COMMD10: variants seen among roughly 807,000 people sequenced by gnomAD.
The protein encoded by COMMD10 is COMM domain-containing protein 10.
COMMD10 carries 33 observed loss-of-function variants against 28.9 expected under a neutral mutation model. The observed-to-expected ratio is 1.14, with a 90% CI of 0.87 to 1.53. The LOEUF (loss-of-function observed/expected upper bound fraction) is 1.53, where lower values mean the gene tolerates loss of function less well. Ranked by LOEUF, COMMD10 falls within the 40% of genes most tolerant of loss-of-function variation. The pLI, the probability that COMMD10 is intolerant of heterozygous loss-of-function variation, is 0.00. For missense variants in COMMD10, 310 were observed against 233.4 expected (o/e 1.33, Z -2.14); for synonymous variants, 110 against 81.7 (o/e 1.35, Z -1.87).
intron 5 of COMMD10, among the ~76,000 whole-genome samples, chr5:116,232,722 CAA>C (rs1241577266): frequency 6.6e-6 from 1 of 152,006 alleles, no homozygotes; most frequent in Non-Finnish European, 1.5e-5. Context: ...GCAAAAATAA[CAA>C]AAATCAATAA....
chr5:116,229,061 C>T (rs889926469), intron 5 of COMMD10, among the ~76,000 whole-genome samples: 2 of 151,898 alleles, frequency 1.3e-5, no homozygotes, highest in African/African-American at 4.8e-5. Context: ...GATGCTGATT[C>T]GTCTTTACAT....
chr5:116,216,138 G>C (rs905018888), intron 5 of COMMD10, among the ~76,000 whole-genome samples: 1 of 152,090 alleles, frequency 6.6e-6, no homozygotes, highest in Non-Finnish European at 1.5e-5. Flanking sequence ...AAGAACCCCA[G>C]TATCCAATAT....
chr5:116,271,793 C>T (rs1750765497), intron 5 of COMMD10, among the ~76,000 whole-genome samples: 1 of 151,790 alleles, frequency 6.6e-6, no homozygotes, highest in Admixed American at 6.6e-5. Context: ...ACTCTTAGGC[C>T]ATTATTTCCC....
intron 4 of COMMD10, among the ~76,000 whole-genome samples, chr5:116,093,371 G>A (rs1419104075): frequency 6.6e-6 from 1 of 152,198 alleles, no homozygotes; most frequent in Non-Finnish European, 1.5e-5. Flanking sequence ...TGAGGAGAGG[G>A]AGGAGAGGTG....
intron 5 of COMMD10, among the ~76,000 whole-genome samples, chr5:116,284,050 C>T (rs981579032): frequency 6.6e-6 from 1 of 151,714 alleles, no homozygotes; most frequent in African/African-American, 2.4e-5. Context: ...TTCGTTTACA[C>T]CCAGGAGTTA....
chr5:116,268,171 A>T (rs1203885337), intron 5 of COMMD10, among the ~76,000 whole-genome samples: 1 of 151,944 alleles, frequency 6.6e-6, no homozygotes, highest in Non-Finnish European at 1.5e-5. Flanking sequence ...CAACCTACAG[A>T]ATGGAAGAAA....
At chr5:116,268,737 C>T (rs1209300276) in intron 5 of COMMD10, among the ~76,000 whole-genome samples, 1 of 151,832 alleles carries the variant, frequency 6.6e-6, no homozygotes, top group Non-Finnish European at 1.5e-5. Flanking sequence ...GAAAATGTGA[C>T]ACACATGCAC....
intron 5 of COMMD10, among the ~76,000 whole-genome samples, chr5:116,179,203 A>G (rs1477074754): frequency 6.6e-6 from 1 of 152,186 alleles, no homozygotes; most frequent in African/African-American, 2.4e-5. Context: ...GATTCAATAC[A>G]CATAAAACCT....
intron 5 of COMMD10, among the ~76,000 whole-genome samples, chr5:116,248,210 A>T (rs1231290041): frequency 1.3e-5 from 2 of 151,922 alleles, no homozygotes; most frequent in African/African-American, 4.8e-5. Context: ...TTTATTAAAC[A>T]GTCATCCTTC....
At chr5:116,172,728 AG>A (rs1313889488) in intron 5 of COMMD10, among the ~76,000 whole-genome samples, 1 of 152,184 alleles carries the variant, frequency 6.6e-6, no homozygotes, top group Non-Finnish European at 1.5e-5. Context: ...AGAGCAGCAC[AG>A]GGCTTCTGAA....
intron 5 of COMMD10, among the ~76,000 whole-genome samples, chr5:116,212,577 C>T: frequency 7.3e-6 from 1 of 136,188 alleles, no homozygotes; most frequent in African/African-American, 2.7e-5. Context: ...AAGAGATAGG[C>T]CAGGGTGATA....
intron 5 of COMMD10, among the ~76,000 whole-genome samples, chr5:116,231,681 A>G (rs1749533027): frequency 1.3e-5 from 2 of 152,170 alleles, no homozygotes; most frequent in South Asian, 2.1e-4. Flanking sequence ...CTATTTTAGT[A>G]TGATAGCTAA....
At chr5:116,102,485 A>T (rs1402520692) in intron 4 of COMMD10, among the ~76,000 whole-genome samples, 1 of 152,050 alleles carries the variant, frequency 6.6e-6, no homozygotes, top group Non-Finnish European at 1.5e-5. Flanking sequence ...GAAGTCAGAG[A>T]GTGTAAGGCC....
chr5:116,172,468 T>G (rs1174400258), intron 5 of COMMD10, among the ~76,000 whole-genome samples: 1 of 152,166 alleles, frequency 6.6e-6, no homozygotes, highest in Non-Finnish European at 1.5e-5. Context: ...GGCTTTTTGA[T>G]TCTACAAAAT....
At chr5:116,179,181 C>G (rs1196135923) in intron 5 of COMMD10, among the ~76,000 whole-genome samples, 1 of 151,888 alleles carries the variant, frequency 6.6e-6, no homozygotes, top group Admixed American at 6.6e-5. Flanking sequence ...AAGTTTATAA[C>G]CTAATAAATA....
At chr5:116,134,253 G>C in intron 5 of COMMD10, 75 bp downstream of exon 5, 1 of 783,050 alleles carries the variant, frequency 1.3e-6, no homozygotes, top group Non-Finnish European at 2.2e-6. Context: ...AGCAGTCTTT[G>C]CTCTCTGGAT....
chr5:116,132,828 A>G (rs1751901598), intron 4 of COMMD10, among the ~76,000 whole-genome samples: 1 of 152,180 alleles, frequency 6.6e-6, no homozygotes, highest in South Asian at 2.1e-4. Flanking sequence ...CTTAACATGT[A>G]CCATGAAATT....
At chr5:116,284,307 G>C (rs545887349) in intron 5 of COMMD10, among the ~76,000 whole-genome samples, 1 of 151,426 alleles carries the variant, frequency 6.6e-6, no homozygotes, top group Non-Finnish European at 1.5e-5. Context: ...ACTACGCACA[G>C]TATCATCTAA....
In COMMD10 at chr5:116,202,802, G is replaced by A. The variant is rs76841610; in HGVS notation, c.510+68624G>A. Among the ~76,000 whole-genome samples, 1,252 of 151,620 alleles carry A rather than the reference G, an allele frequency of 8.3e-3. 55 individuals are homozygous for A. The East Asian group carries it at 0.099, about 12-fold the overall frequency. Reference sequence around the variant, plus strand: ...TGGATATTAGCCCTTTGTCAGATGAGTAGGTTGCGAAAATTTTCTCCCATT... The same window carrying A: ...TGGATATTAGCCCTTTGTCAGATGAATAGGTTGCGAAAATTTTCTCCCATT... On this transcript the variant is annotated intron_variant, in intron 5 of 6. Coordinates refer to ENST00000274458, the MANE Select transcript of COMMD10 (RefSeq NM_016144.4).
Sources: allele counts gnomAD v4.1 joint callset (sites outside exome capture counted in the v4.1 genomes callset), GRCh38; gene constraint gnomAD v4.1.1; transcripts MANE v1.5; gene names NCBI Gene and HGNC (gene_info 2026-07-23, HGNC 2026-07-21).